Variants in PRKCZ observed in about 807,000 individuals in gnomAD.
PRKCZ encodes the protein protein kinase C zeta.
PRKCZ carries 33 observed loss-of-function variants against 79.5 expected under a neutral mutation model. That is an observed-to-expected ratio of 0.41 (90% CI 0.31 to 0.55). The LOEUF is 0.55. PRKCZ is among the 20% of genes least tolerant of loss of function. The pLI is 0.19. For missense variants in PRKCZ, 578 were observed against 813.5 expected, an observed-to-expected ratio of 0.71 and a Z score of 3.52; for synonymous variants, 342 against 320.9, an observed-to-expected ratio of 1.07 and a Z score of -0.70.
chr1:2,103,433 G>C (rs541889482), intron 4 of PRKCZ, among the ~76,000 whole-genome samples: 1 of 151,484 alleles, frequency 6.6e-6, no homozygotes, highest in Admixed American at 6.6e-5. Flanking sequence ...CAGCTGGCAC[G>C]TCCAGTGGCG....
At chr1:2,153,782 C>T (rs905193623) in intron 9 of PRKCZ, among the ~76,000 whole-genome samples, 8 of 152,242 alleles carry the variant, frequency 5.3e-5, no homozygotes, top group African/African-American at 9.6e-5. Context: ...TTGAAATCAT[C>T]CTCTGTGGGC....
chr1:2,056,304 G>C (rs1317972553), intron 2 of PRKCZ, among the ~76,000 whole-genome samples, 180 bp from the exon 3 acceptor site: 1 of 152,222 alleles, frequency 6.6e-6, no homozygotes, highest in Non-Finnish European at 1.5e-5. Context: ...CCGGGGGCCA[G>C]GTGACTCCCT....
chr1:2,095,207 C>T (rs1009147847), intron 4 of PRKCZ, among the ~76,000 whole-genome samples: 1 of 152,178 alleles, frequency 6.6e-6, no homozygotes, highest in Non-Finnish European at 1.5e-5. Context: ...CCTTTCCAGA[C>T]CCTTCTAGGT....
chr1:2,135,181 G>C (rs1331784624), intron 4 of PRKCZ, 81 bp from the exon 5 acceptor site: 5 of 1,235,654 alleles, frequency 4.0e-6, no homozygotes, highest in Non-Finnish European at 4.6e-6. Context: ...ACCTGGACGG[G>C]AGTGGCCTGT....
intron 10 of PRKCZ, among the ~76,000 whole-genome samples, chr1:2,159,235 A>C (rs1681734163): frequency 6.6e-6 from 1 of 152,266 alleles, no homozygotes. Context: ...ACGTGAAGCA[A>C]AGCCAACATC....
At chr1:2,056,657 TGG>T in intron 3 of PRKCZ, 84 bp downstream of exon 3, 2 of 1,246,310 alleles carry the variant, frequency 1.6e-6, no homozygotes, top group Non-Finnish European at 2.2e-6. Flanking sequence ...GGATTTAAAA[TGG>T]TTTAAAATCC....
At position 2,094,596 on chromosome 1, in the gene PRKCZ, T is replaced by C. The variant is rs1220312226; in HGVS notation, c.334+35005T>C. On this transcript the variant is annotated intron_variant, in intron 4 of 17. Transcript: ENST00000378567. The surrounding 1 kb of genome is among the most constrained non-coding windows in gnomAD (Gnocchi z 7.3). Reference sequence around the variant, plus strand: ...GCGCTGCCCGTTCTGAGGCGCCCGCTGTGCCCGGCTCGATGAACCTTGGGC... The same window carrying C: ...GCGCTGCCCGTTCTGAGGCGCCCGCCGTGCCCGGCTCGATGAACCTTGGGC... Among the ~76,000 whole-genome samples the C allele has an allele frequency of 1.1e-5, 1 of 89,152 alleles. No homozygotes were observed. Among genetic ancestry groups the C allele is most frequent in the Non-Finnish European group, 2.0e-5 (1 of 50,996 alleles). The allele number at this position is 89,152 out of a possible 152,430, so 58.5% of individuals were successfully genotyped here. A position where few individuals can be genotyped will look rare whatever the true frequency, so the allele number is the denominator to read the frequency against.
chr1:2,050,512 C>A lies in PRKCZ; in HGVS notation c.-119C>A. ...AGTTCCGCGGAGTTGACCGGGTCGG[C>A]GCCGTCGGTCCTGAGCGCTGCCTTC... On this transcript the variant is annotated 5_prime_UTR_variant, in exon 1 of 18. Transcript: ENST00000378567. 1.8e-6 allele frequency: 1 copy of A among 544,084 alleles called. No individual in the cohort carries two copies. Among genetic ancestry groups the A allele is most frequent in the Non-Finnish European group, 2.6e-6 (1 of 380,102 alleles). The allele number at this position is 544,084 out of a possible 1,614,324, so 33.7% of individuals were successfully genotyped here. A position where few individuals can be genotyped will look rare whatever the true frequency, so the allele number is the denominator to read the frequency against.
At chr1:2,077,006 G>A (rs929713901) in intron 4 of PRKCZ, among the ~76,000 whole-genome samples, 6 of 152,310 alleles carry the variant, frequency 3.9e-5, no homozygotes, top group Admixed American at 3.3e-4. Flanking sequence ...CCACCGTTGT[G>A]GGGCAGCCTT....
At chr1:2,151,006 G>A in intron 9 of PRKCZ, 28 bp downstream of exon 9, 6 of 1,610,604 alleles carry the variant, frequency 3.7e-6, no homozygotes, top group South Asian at 2.2e-5. Context: ...TGGGGCCCGG[G>A]GGCCCGGGAA....
In PRKCZ at chr1:2,082,170, G is replaced by T; in HGVS notation, c.334+22579G>T. 1 of 347,700 alleles carries T rather than the reference G, an allele frequency of 2.9e-6. No individual in the cohort carries two copies. The highest frequency in any genetic ancestry group is 5.6e-6 in the Non-Finnish European group (1 of 177,198). 21.5% of individuals were successfully genotyped at this position (347,700 alleles called of 1,614,324 possible). A position where few individuals can be genotyped will look rare whatever the true frequency, so the allele number is the denominator to read the frequency against. On this transcript the variant is annotated intron_variant, in intron 4 of 17. Transcript: ENST00000378567. The surrounding 1 kb of genome is among the most constrained non-coding windows in gnomAD (Gnocchi z 4.4). ...CAGGGGTGCTGGACGCGTCAGACGG[G>T]TTCTTTGCAGCCCTTGGCAGCGTCG...
intron 4 of PRKCZ, among the ~76,000 whole-genome samples, chr1:2,084,219 G>A (rs570290236): frequency 5.8e-4 from 88 of 152,260 alleles, no homozygotes; most frequent in Non-Finnish European, 1.0e-3. Flanking sequence ...CAGCCTGGGC[G>A]AGAGAGCGAA....
At chr1:2,108,785 A>G (rs1669121550) in intron 4 of PRKCZ, among the ~76,000 whole-genome samples, 1 of 152,172 alleles carries the variant, frequency 6.6e-6, no homozygotes, top group Non-Finnish European at 1.5e-5. Context: ...CGGCCGCTGT[A>G]ACAGTGGCCG....
At chr1:2,059,626 G>A in intron 4 of PRKCZ, 35 bp downstream of exon 4, 4 of 1,612,280 alleles carry the variant, frequency 2.5e-6, no homozygotes, top group South Asian at 1.1e-5. Context: ...GGTCTCGCAT[G>A]TTACGGGGTT....
At chr1:2,158,404 C>T (rs535158927) in intron 10 of PRKCZ, among the ~76,000 whole-genome samples, 9 of 152,378 alleles carry the variant, frequency 5.9e-5, no homozygotes, top group Admixed American at 1.3e-4. Context: ...AGTGCCCCAT[C>T]GTGTGCTTCA....
At position 2,065,366 on chromosome 1, in the gene PRKCZ, C is replaced by T. The variant is rs376334557; in HGVS notation, c.334+5775C>T. Reference sequence around the variant, plus strand: ...TGCCTAATTGTTCTGGCTAGAATTCCACTACTCTGTTGAATAAAAGTGGTG... The same window carrying T: ...TGCCTAATTGTTCTGGCTAGAATTCTACTACTCTGTTGAATAAAAGTGGTG... On this transcript the variant is annotated intron_variant, in intron 4 of 17. Coordinates refer to ENST00000378567, the MANE Select transcript of PRKCZ (RefSeq NM_002744.6). 2.4e-4 allele frequency among the ~76,000 whole-genome samples: 37 copies of T among 152,256 alleles called. 2 individuals are homozygous for T. The East Asian group carries it at 7.1e-3, about 29-fold the overall frequency.
At chr1:2,063,343 C>T (rs1199502638) in intron 4 of PRKCZ, among the ~76,000 whole-genome samples, 3 of 152,210 alleles carry the variant, frequency 2.0e-5, no homozygotes, top group Non-Finnish European at 4.4e-5. Flanking sequence ...GATAGCGTCT[C>T]GCTCTGTCGC....
In PRKCZ at chr1:2,125,219, G is replaced by A. The variant is rs112243270; in HGVS notation, c.335-10043G>A. Among the ~76,000 whole-genome samples the A allele has an allele frequency of 4.2e-3, 643 of 152,282 alleles. 7 individuals carry two copies. The highest frequency in any genetic ancestry group is 0.015 in the African/African-American group (611 of 41,564). On this transcript the variant is annotated intron_variant, in intron 4 of 17. Coordinates refer to ENST00000378567, the MANE Select transcript of PRKCZ (RefSeq NM_002744.6). The surrounding 1 kb of genome is among the most constrained non-coding windows in gnomAD (Gnocchi z 4.2). ...AAAAATTTCTTACATAGAAAGGAGC[G>A]GTATTTGGTATGAATTTATTTGCAA...
At position 2,109,041 on chromosome 1, in the gene PRKCZ, C is replaced by A. The variant is rs551839006; in HGVS notation, c.335-26221C>A. 5.3e-5 allele frequency among the ~76,000 whole-genome samples: 8 copies of A among 152,344 alleles called. No homozygotes were observed. In the East Asian group the frequency reaches 1.5e-3, roughly 29 times the overall value. On this transcript the variant is annotated intron_variant, in intron 4 of 17. Transcript: ENST00000378567. Reference sequence around the variant, plus strand: ...CACCGCCTCTGATACAGCCGCCCCCCCATCCCTCTTGTGAGGACCCCGCAA... The same window carrying A: ...CACCGCCTCTGATACAGCCGCCCCCACATCCCTCTTGTGAGGACCCCGCAA...
Sources: allele counts gnomAD v4.1 joint callset (sites outside exome capture counted in the v4.1 genomes callset), GRCh38; gene constraint gnomAD v4.1.1; non-coding constraint Gnocchi (gnomAD v3.1); transcripts MANE v1.5; gene names NCBI Gene and HGNC (gene_info 2026-07-23, HGNC 2026-07-21).